Variants in RAB31 observed in about 807,000 individuals in gnomAD.
RAB31 encodes the protein RAB31, member RAS oncogene family.
RAB31 carries 21 observed loss-of-function variants against 25.6 expected under a neutral mutation model. The observed-to-expected ratio is 0.82, with a 90% CI of 0.58 to 1.18. The LOEUF is 1.18. RAB31 is among the 50% of genes most tolerant of loss of function. The probability of loss-of-function intolerance (pLI) is 0.00; values close to 1 mark genes in which losing one functional copy is unlikely to be tolerated. For missense variants in RAB31, 196 were observed against 250.1 expected, an observed-to-expected ratio of 0.78 and a Z score of 1.46; for synonymous variants, 87 against 84.0, an observed-to-expected ratio of 1.04 and a Z score of -0.20.
At chr18:9,716,542 C>T (rs2068045235) in intron 1 of RAB31, among the ~76,000 whole-genome samples, 1 of 152,058 alleles carries the variant, frequency 6.6e-6, no homozygotes, top group African/African-American at 2.4e-5. Context: ...TGGGAGTGGG[C>T]TGGCGGGGGT....
At chr18:9,724,292 A>AAAC (rs1555683529) in intron 1 of RAB31, among the ~76,000 whole-genome samples, 4 of 143,480 alleles carry the variant, frequency 2.8e-5, no homozygotes, top group African/African-American at 1.1e-4. Flanking sequence ...AAAAAACAAA[A>AAAC]AAAAAACATT....
At chr18:9,736,653 T>C (rs967911467) in intron 1 of RAB31, among the ~76,000 whole-genome samples, 1 of 152,224 alleles carries the variant, frequency 6.6e-6, no homozygotes, top group African/African-American at 2.4e-5. Context: ...AATATCCCAT[T>C]AAATATCCAA....
chr18:9,796,303 C>T (rs1176589146), intron 3 of RAB31, among the ~76,000 whole-genome samples: 1 of 151,868 alleles, frequency 6.6e-6, no homozygotes, highest in African/African-American at 2.4e-5. Context: ...GATGGGTGCA[C>T]CAAAATCTCA....
At chr18:9,792,088 T>C (rs1469571307) in intron 2 of RAB31, 66 bp from the exon 3 acceptor site, 5 of 1,543,724 alleles carry the variant, frequency 3.2e-6, no homozygotes. Context: ...ATTTAACTTG[T>C]TTGATTTGTG....
At chr18:9,848,254 C>T (rs1374342051) in intron 6 of RAB31, among the ~76,000 whole-genome samples, 1 of 152,136 alleles carries the variant, frequency 6.6e-6, no homozygotes, top group East Asian at 1.9e-4. Context: ...ACTTGGCTGT[C>T]TATCTGTCCA....
chr18:9,811,162 G>A (rs939358736), intron 3 of RAB31, among the ~76,000 whole-genome samples: 5 of 152,134 alleles, frequency 3.3e-5, no homozygotes, highest in African/African-American at 1.2e-4. Flanking sequence ...GGGTGGCGCC[G>A]GCCCTTCAGC....
chr18:9,786,190 A>G (rs912234981), intron 2 of RAB31, among the ~76,000 whole-genome samples: 2 of 151,972 alleles, frequency 1.3e-5, no homozygotes, highest in African/African-American at 4.8e-5. Context: ...AGAAAAGAGA[A>G]TGCCTATGTA....
At chr18:9,844,438 C>T (rs1264779574) in intron 5 of RAB31, among the ~76,000 whole-genome samples, 1 of 152,206 alleles carries the variant, frequency 6.6e-6, no homozygotes, top group African/African-American at 2.4e-5. Context: ...GCCTTCATGG[C>T]CACACTTAAG....
In RAB31 at chr18:9,838,875, G is replaced by A. The variant is rs563489868; in HGVS notation, c.381-6707G>A. ...GAAGGCTGGGTGAGCCTCTTGTCCCGGATCTTTTCCAGTTGACTCTCAGCA... is the reference window on the plus strand; with the variant it reads ...GAAGGCTGGGTGAGCCTCTTGTCCCAGATCTTTTCCAGTTGACTCTCAGCA... On this transcript the variant is annotated intron_variant, in intron 5 of 6. Transcript: ENST00000578921. Among the ~76,000 whole-genome samples the A allele has an allele frequency of 4.6e-5, 7 of 152,198 alleles. No individual in the cohort carries two copies. In the East Asian group the frequency reaches 9.7e-4, roughly 21 times the overall value.
intron 1 of RAB31, among the ~76,000 whole-genome samples, chr18:9,761,219 T>C (rs2068286950): frequency 6.6e-6 from 1 of 152,218 alleles, no homozygotes; most frequent in African/African-American, 2.4e-5. Context: ...TGTAGGAATA[T>C]TGGAATATTC....
intron 1 of RAB31, among the ~76,000 whole-genome samples, chr18:9,711,634 G>A (rs969521662): frequency 6.6e-6 from 1 of 152,202 alleles, no homozygotes; most frequent in African/African-American, 2.4e-5. Context: ...TGTGCTTTGC[G>A]TAGGGAGGTC....
rs111232693 is a variant in RAB31, at chr18:9,735,172, C to T, written c.39+26728C>T. On this transcript the variant is annotated intron_variant, in intron 1 of 6. Coordinates refer to ENST00000578921, the MANE Select transcript of RAB31 (RefSeq NM_006868.4). ...AGCTGGGATTATAGGCGCCTGCCACCATGCCTGCCTAAGTTTTGTATTTTT... is the reference window on the plus strand; with the variant it reads ...AGCTGGGATTATAGGCGCCTGCCACTATGCCTGCCTAAGTTTTGTATTTTT... Among the ~76,000 whole-genome samples the T allele has an allele frequency of 2.0e-3, 307 of 152,278 alleles. 3 individuals are homozygous for T. The highest frequency in any genetic ancestry group is 6.8e-3 in the African/African-American group (283 of 41,554).
At chr18:9,811,973 G>C (rs755936425) in intron 3 of RAB31, among the ~76,000 whole-genome samples, 1 of 152,208 alleles carries the variant, frequency 6.6e-6, no homozygotes, top group Non-Finnish European at 1.5e-5. Flanking sequence ...CTTACCATTT[G>C]GGAGCTGGGA....
rs1229417589 is a variant in RAB31, at chr18:9,757,379, T to C, written c.40-17899T>C. Among the ~76,000 whole-genome samples, 5 of 152,288 alleles carry C rather than the reference T, an allele frequency of 3.3e-5. No homozygotes were observed. The South Asian group carries it at 6.2e-4, about 19-fold the overall frequency. ...TAGCTCCTGCCTCTACACCCTACAT[T>C]GGGAGGACCGCTGTTGGGAGAAGAG... is the stretch of plus-strand genomic sequence containing the variant. On this transcript the variant is annotated intron_variant, in intron 1 of 6. Transcript: ENST00000578921.
chr18:9,726,293 GATCAGAGGT>G (rs1311817982), intron 1 of RAB31: 2 of 152,396 alleles, frequency 1.3e-5, no homozygotes, highest in Non-Finnish European at 2.9e-5. Context: ...GACTGTTAGA[GATCAGAGGT>G]TCCCAGGTCT....
At chr18:9,856,905 T>C (rs768318297) in intron 6 of RAB31, among the ~76,000 whole-genome samples, 12 of 152,206 alleles carry the variant, frequency 7.9e-5, no homozygotes, top group Non-Finnish European at 1.8e-4. Flanking sequence ...AGAGTACTGG[T>C]AGTCATTGGA....
intron 3 of RAB31, among the ~76,000 whole-genome samples, chr18:9,800,836 A>G (rs1599044050): frequency 6.6e-6 from 1 of 152,256 alleles, no homozygotes; most frequent in East Asian, 1.9e-4. Context: ...CACGTACCAT[A>G]CAATTTATCC....
chr18:9,818,792 T>A (rs2068611756), intron 5 of RAB31, among the ~76,000 whole-genome samples: 1 of 152,204 alleles, frequency 6.6e-6, no homozygotes, highest in Admixed American at 6.5e-5. Flanking sequence ...GATATCCACA[T>A]CCTCACCAAC....
chr18:9,754,532 G>A (rs1469063018), intron 1 of RAB31, among the ~76,000 whole-genome samples: 1 of 152,080 alleles, frequency 6.6e-6, no homozygotes, highest in Non-Finnish European at 1.5e-5. Flanking sequence ...CACCTGCCTA[G>A]GCCTCCCAAA....
Sources: gnomAD v4.1 joint callset for allele counts (sites outside exome capture counted in the v4.1 genomes callset) on GRCh38, gnomAD v4.1.1 for gene constraint, MANE v1.5 for transcripts, NCBI Gene and HGNC (gene_info 2026-07-23, HGNC 2026-07-21) for gene names.